PSME4: variants seen among roughly 807,000 people sequenced by gnomAD.
The protein encoded by PSME4 is proteasome activator subunit 4.
Under a neutral mutation model 253.9 loss-of-function variants are expected in PSME4, and 89 were observed. The observed-to-expected ratio is 0.35, with a 90% CI of 0.30 to 0.42. PSME4 has a LOEUF of 0.42. Among genes scored for constraint, PSME4 ranks in the 10% least tolerant of loss-of-function variants. The pLI, the probability that PSME4 is intolerant of heterozygous loss-of-function variation, is 1.00. For missense variants in PSME4, 2,014 were observed against 2,195.2 expected (o/e 0.92, Z 1.65); for synonymous variants, 851 against 759.2 (o/e 1.12, Z -1.99).
chr2:53,874,875 G>A (rs1285667985), intron 42 of PSME4, among the ~76,000 whole-genome samples: 1 of 152,162 alleles, frequency 6.6e-6, no homozygotes, highest in Non-Finnish European at 1.5e-5. Context: ...AACCTGGGGG[G>A]CGGAGGTTGC....
intron 10 of PSME4, among the ~76,000 whole-genome samples, chr2:53,931,625 T>G (rs944735862): frequency 6.6e-6 from 1 of 152,246 alleles, no homozygotes; most frequent in Non-Finnish European, 1.5e-5. Flanking sequence ...ATCCAAAAGA[T>G]GTATGTTACC....
At chr2:53,941,042 C>T (rs1023500105) in intron 3 of PSME4, among the ~76,000 whole-genome samples, 5 of 123,496 alleles carry the variant, frequency 4.0e-5, no homozygotes, top group African/African-American at 1.5e-4. Context: ...CTGACACTTT[C>T]TTATTAAGCT....
chr2:53,887,964 G>A lies in PSME4; in HGVS notation c.4414C>T (p.Leu1472Phe). 6.2e-7 allele frequency: 1 copy of A among 1,612,734 alleles called. No individual in the cohort carries two copies. Among genetic ancestry groups the A allele is most frequent in the South Asian group, 1.1e-5 (1 of 90,862 alleles). The change falls in exon 39 of 47, where the codon CTT (leucine) becomes TTT (phenylalanine). Residue 1472 changes from leucine (L) to phenylalanine (F), a missense_variant. By Grantham distance (22) the Leu-to-Phe change is conservative. Coordinates refer to ENST00000404125, the MANE Select transcript of PSME4 (RefSeq NM_014614.3). ...ACRLYVLQGG[L>F]AQQEWRVPEL... ...GGCACTCTCCATTCTTGCTGGGCAA[G>A]GCCACCTTGTAGTACATAAAGTCGA... is the stretch of plus-strand genomic sequence containing the variant.
chr2:53,891,830 G>C (rs1679919561), intron 36 of PSME4, among the ~76,000 whole-genome samples: 1 of 149,746 alleles, frequency 6.7e-6, no homozygotes. Flanking sequence ...CTCCAGCCTG[G>C]GCGATAGGGC....
intron 42 of PSME4, among the ~76,000 whole-genome samples, chr2:53,874,954 C>CA (rs950819234): frequency 6.6e-6 from 1 of 151,928 alleles, no homozygotes; most frequent in African/African-American, 2.4e-5. Context: ...AAAACAATAA[C>CA]AAAAAAACCC....
chr2:53,930,489 G>C (rs1051204832), intron 10 of PSME4, among the ~76,000 whole-genome samples: 1 of 152,166 alleles, frequency 6.6e-6, no homozygotes, highest in Non-Finnish European at 1.5e-5. Flanking sequence ...AAGACGGACA[G>C]GAAACTGCCT....
chr2:53,913,197 T>C (rs1179004815), intron 20 of PSME4, among the ~76,000 whole-genome samples: 2 of 152,210 alleles, frequency 1.3e-5, no homozygotes, highest in African/African-American at 4.8e-5. Context: ...TCATAGCTTC[T>C]AGATAGTACC....
At chr2:53,960,436 G>C (rs1191572599) in intron 1 of PSME4, among the ~76,000 whole-genome samples, 3 of 150,188 alleles carry the variant, frequency 2.0e-5, no homozygotes, top group Non-Finnish European at 4.4e-5. Context: ...GACAGCTCTA[G>C]CTAGAGGAGC....
chr2:53,917,116 A>G (rs1258702367), intron 20 of PSME4: 1 of 150,864 alleles, frequency 6.6e-6, no homozygotes, highest in African/African-American at 2.4e-5. Flanking sequence ...ATATACATAT[A>G]TTTAATATAG....
At chr2:53,874,625 G>A (rs1231993044) in intron 42 of PSME4, 131 bp from the exon 43 acceptor site, 4 of 942,592 alleles carry the variant, frequency 4.2e-6, no homozygotes, top group Non-Finnish European at 6.3e-6. Context: ...GTTAGGACAA[G>A]CTCATATTTC....
At chr2:53,866,609 T>G (rs753443130) in intron 45 of PSME4, 138 bp downstream of exon 45, 9 of 911,812 alleles carry the variant, frequency 9.9e-6, no homozygotes, top group Non-Finnish European at 1.4e-5. Flanking sequence ...TAATAATTAC[T>G]GGTGAGCAGA....
At chr2:53,923,291 T>C (rs1278893517) in intron 15 of PSME4, 30 bp downstream of exon 15, 1 of 1,579,196 alleles carries the variant, frequency 6.3e-7, no homozygotes, top group Admixed American at 2.0e-5. Flanking sequence ...GTTGAGTCAT[T>C]AATACATCAG....
intron 36 of PSME4, among the ~76,000 whole-genome samples, 168 bp from the exon 37 acceptor site, chr2:53,890,376 A>G (rs1679850782): frequency 6.6e-6 from 1 of 152,130 alleles, no homozygotes; most frequent in Non-Finnish European, 1.5e-5. Flanking sequence ...GAATGATCAT[A>G]CCTCGATGTA....
Position 53,885,700 on chromosome 2 carries a change from A to C in PSME4, c.4805T>G (p.Leu1602Trp). 1.9e-6 allele frequency: 3 copies of C among 1,610,598 alleles called. No homozygotes were observed. Among genetic ancestry groups the C allele is most frequent in the Non-Finnish European group, 1.7e-6 (2 of 1,177,096 alleles). The change falls in exon 41 of 47, where the codon TTG (leucine) becomes TGG (tryptophan). Residue 1602 changes from leucine to tryptophan, a missense_variant. By Grantham distance (61) the Leu-to-Trp change is moderately conservative (BLOSUM62 -2). This residue lies in a region of PSME4 where 403 missense variants were observed against 556.1 expected (regional missense o/e 0.72). Transcript: ENST00000404125. Reference protein sequence around the residue: ...AVTEQLQLLPLFFKIAPVEND... With the variant: ...AVTEQLQLLPWFFKIAPVEND... ...TCAGCAAAACCTTACCTTGAAAAAC[A>C]AAGGTAGAAGCTGAAGTTGTTCTGT... is the stretch of plus-strand genomic sequence containing the variant.
chr2:53,943,357 A>C (rs1353009102), intron 3 of PSME4, among the ~76,000 whole-genome samples: 1 of 152,202 alleles, frequency 6.6e-6, no homozygotes, highest in Non-Finnish European at 1.5e-5. Flanking sequence ...TGTGCCAGGC[A>C]CTTCATCTAG....
chr2:53,878,689 C>T (rs937838350), intron 41 of PSME4, among the ~76,000 whole-genome samples: 7 of 152,232 alleles, frequency 4.6e-5, no homozygotes, highest in African/African-American at 1.7e-4. Flanking sequence ...GCCCCGGTCT[C>T]CCGTAGTGCT....
chr2:53,910,387 T>C (rs1015734768), intron 20 of PSME4, among the ~76,000 whole-genome samples: 1 of 152,128 alleles, frequency 6.6e-6, no homozygotes, highest in Non-Finnish European at 1.5e-5. Flanking sequence ...AATATTGATA[T>C]CCAATACTCA....
At chr2:53,933,555 T>C (rs1181097994) in intron 8 of PSME4, among the ~76,000 whole-genome samples, 1 of 152,116 alleles carries the variant, frequency 6.6e-6, no homozygotes, top group East Asian at 1.9e-4. Flanking sequence ...TTACTTTTAC[T>C]TTTGTTTTCT....
At chr2:53,945,647 C>A (rs1194930890) in intron 3 of PSME4, among the ~76,000 whole-genome samples, 1 of 152,156 alleles carries the variant, frequency 6.6e-6, no homozygotes, top group Non-Finnish European at 1.5e-5. Context: ...GAAACACATG[C>A]CGCTCTAAGC....
Sources: gnomAD v4.1 joint callset for allele counts (sites outside exome capture counted in the v4.1 genomes callset) on GRCh38, gnomAD v4.1.1 for gene constraint, gnomAD v4.1.1 regional missense constraint, MANE v1.5 for transcripts, NCBI Gene and HGNC (gene_info 2026-07-23, HGNC 2026-07-21) for gene names.